Variants in AFF3 observed in about 807,000 individuals in gnomAD.
AFF3 encodes the protein AF4/FMR2 family member 3.
A neutral mutation model predicts 129.7 loss-of-function variants in AFF3; 32 were observed. That is an observed-to-expected ratio of 0.25 (90% CI 0.19 to 0.33). AFF3 has a LOEUF of 0.33. AFF3 is among the 10% of genes least tolerant of loss of function. The pLI, the probability that AFF3 is intolerant of heterozygous loss-of-function variation, is 1.00. For synonymous variants in AFF3, 644 were observed against 635.4 expected (o/e 1.01, Z -0.20); for missense variants, 1,373 against 1,592.0 (o/e 0.86, Z 2.34).
intron 4 of AFF3, among the ~76,000 whole-genome samples, chr2:100,038,222 G>A (rs528846249): frequency 7.9e-5 from 12 of 152,024 alleles, no homozygotes; most frequent in African/African-American, 1.4e-4. Flanking sequence ...TCTAAGCCCC[G>A]CCCGCTTCCC....
At chr2:99,591,815 C>G (rs1334583108) in intron 15 of AFF3, among the ~76,000 whole-genome samples, 1 of 152,234 alleles carries the variant, frequency 6.6e-6, no homozygotes, top group African/African-American at 2.4e-5. Flanking sequence ...GGCTCAGCCC[C>G]TTAGGACCTA....
rs769556449 is a variant in AFF3 at position 100,007,434 on chromosome 2, G to A, written c.201C>T (p.Asn67=). ...AATTGCCTAAAGTGTTCTGGATCCG[G>A]TTGGAGAGTTCATCCCCCTTGTTAG... ...YKTNKGDELS[N]RIQNTLGNYD... The change falls in exon 6 of 25, where the codon AAC becomes AAT. Residue 67 remains asparagine, a synonymous_variant. Transcript: ENST00000672756. 8.1e-6 allele frequency: 13 copies of A among 1,613,702 alleles called. No homozygotes were observed. The highest frequency in any genetic ancestry group is 1.1e-5 in the Non-Finnish European group (13 of 1,179,856).
chr2:99,565,155 ATTT>A (rs765228337), intron 20 of AFF3, among the ~76,000 whole-genome samples: 1 of 145,182 alleles, frequency 6.9e-6, no homozygotes, highest in African/African-American at 2.5e-5. Context: ...CCTGAACCAG[ATTT>A]TTTTTTTTTT....
intron 7 of AFF3, among the ~76,000 whole-genome samples, chr2:99,980,627 A>G (rs1292629584): frequency 6.6e-6 from 1 of 152,218 alleles, no homozygotes; most frequent in Non-Finnish European, 1.5e-5. Context: ...CTCCCTGGGC[A>G]GTTATTATCT....
chr2:99,935,106 TC>T (rs1298335699), intron 7 of AFF3, among the ~76,000 whole-genome samples: 1 of 152,230 alleles, frequency 6.6e-6, no homozygotes, highest in Non-Finnish European at 1.5e-5. Flanking sequence ...TGGGAGGTCA[TC>T]TAATGTTTCG....
chr2:99,572,583 T>A (rs1676604252), intron 18 of AFF3: 1 of 455,612 alleles, frequency 2.2e-6, no homozygotes, highest in African/African-American at 2.0e-5. Context: ...GCGGCAGAAA[T>A]TGGATGATTT....
chr2:99,783,290 T>C (rs1257642710), intron 8 of AFF3, among the ~76,000 whole-genome samples: 1 of 152,226 alleles, frequency 6.6e-6, no homozygotes, highest in Non-Finnish European at 1.5e-5. Context: ...ACTGTGGAGA[T>C]TCTGAAAAGC....
rs550200153 is a variant in AFF3 at position 99,789,114 on chromosome 2, C to T, written c.922-36813G>A. Among the ~76,000 whole-genome samples the T allele has an allele frequency of 1.6e-4, 24 of 152,304 alleles. No homozygotes were observed. In the East Asian group the frequency reaches 4.0e-3, roughly 26 times the overall value. ...ACCATGCATGACTGCATATGAAATGCTTCATACAAAGCTTGGCATTCATAA... is the reference window on the plus strand; with the variant it reads ...ACCATGCATGACTGCATATGAAATGTTTCATACAAAGCTTGGCATTCATAA... On this transcript the variant is annotated intron_variant, in intron 8 of 24. Coordinates refer to ENST00000672756, the MANE Select transcript of AFF3 (RefSeq NM_001386135.1).
At chr2:99,942,990 G>A (rs1400156499) in intron 7 of AFF3, among the ~76,000 whole-genome samples, 1 of 152,140 alleles carries the variant, frequency 6.6e-6, no homozygotes, top group Non-Finnish European at 1.5e-5. Flanking sequence ...CTGCGTTAGA[G>A]AAAACCATTT....
At chr2:100,041,169 C>T (rs1049202724) in intron 4 of AFF3, among the ~76,000 whole-genome samples, 1 of 152,192 alleles carries the variant, frequency 6.6e-6, no homozygotes, top group Non-Finnish European at 1.5e-5. Context: ...TGGGTTCACA[C>T]GGAAGCTACT....
chr2:99,790,696 C>A lies in AFF3; in HGVS notation c.922-38395G>T, dbSNP rs572498423. Reference sequence around the variant, plus strand: ...ACATCCTACAGTGCATAGGAGAGTCCCACAACCAAAAATTATCTGGCCTAA... The same window carrying A: ...ACATCCTACAGTGCATAGGAGAGTCACACAACCAAAAATTATCTGGCCTAA... On this transcript the variant is annotated intron_variant, in intron 8 of 24. Transcript: ENST00000672756. 1.5e-3 allele frequency among the ~76,000 whole-genome samples: 232 copies of A among 152,036 alleles called. 1 individual carries two copies. Among genetic ancestry groups the A allele is most frequent in the African/African-American group, 5.4e-3 (225 of 41,466 alleles).
intron 8 of AFF3, among the ~76,000 whole-genome samples, chr2:99,813,225 C>T (rs1439594449): frequency 1.3e-5 from 2 of 152,148 alleles, no homozygotes; most frequent in Admixed American, 6.5e-5. Flanking sequence ...GTTGCTCACA[C>T]GAGGTTTTTC....
At chr2:100,131,553 G>A (rs755760695) in intron 1 of AFF3, among the ~76,000 whole-genome samples, 2 of 151,978 alleles carry the variant, frequency 1.3e-5, no homozygotes, top group African/African-American at 2.4e-5. Context: ...TCTGCCTCCC[G>A]GGTTCAAGTG....
chr2:100,106,292 C>G, intron 2 of AFF3: 1 of 1,173,446 alleles, frequency 8.5e-7, no homozygotes, highest in Non-Finnish European at 1.1e-6. Context: ...TGATAACTCT[C>G]AGCCCTCAAA....
chr2:99,706,518 T>C (rs956696477), intron 11 of AFF3, among the ~76,000 whole-genome samples: 1 of 152,232 alleles, frequency 6.6e-6, no homozygotes. Flanking sequence ...TTTGGAAGTT[T>C]TTGTAGTATC....
At chr2:99,582,697 G>T in intron 17 of AFF3, 101 bp downstream of exon 17, 1 of 1,286,490 alleles carries the variant, frequency 7.8e-7, no homozygotes, top group Non-Finnish European at 1.1e-6. Flanking sequence ...ATTCTCAAGG[G>T]ACCTCAAGCA....
rs186013911 is a variant in AFF3, at chr2:100,053,683, A to T, written c.54-44751T>A. On this transcript the variant is annotated intron_variant, in intron 4 of 24. Coordinates refer to ENST00000672756, the MANE Select transcript of AFF3 (RefSeq NM_001386135.1). ...TGCTGATTCAAGAAGAGGAGGCCAT[A>T]TGCAGACAGCACAAAGGGAACTCCC... Among the ~76,000 whole-genome samples, 477 of 152,328 alleles carry T rather than the reference A, an allele frequency of 3.1e-3. 3 individuals are homozygous for T. The highest frequency in any genetic ancestry group is 0.011 in the African/African-American group (451 of 41,576).
At chr2:99,749,978 T>G (rs897986498) in intron 9 of AFF3, among the ~76,000 whole-genome samples, 1 of 152,150 alleles carries the variant, frequency 6.6e-6, no homozygotes. Flanking sequence ...TACTGACCAT[T>G]GAAAAGAAGA....
At chr2:99,992,268 A>C (rs982246733) in intron 7 of AFF3, among the ~76,000 whole-genome samples, 1 of 152,222 alleles carries the variant, frequency 6.6e-6, no homozygotes, top group Non-Finnish European at 1.5e-5. Flanking sequence ...CTGTTGGTAT[A>C]AAGATAAGCA....
Sources: gnomAD v4.1 joint callset for allele counts (sites outside exome capture counted in the v4.1 genomes callset) on GRCh38, gnomAD v4.1.1 for gene constraint, MANE v1.5 for transcripts, NCBI Gene and HGNC (gene_info 2026-07-23, HGNC 2026-07-21) for gene names.